Variants in SPIRE1 observed in about 807,000 individuals in gnomAD.
SPIRE1 encodes protein spire homolog 1.
In SPIRE1, 40 loss-of-function variants were observed where a neutral mutation model predicts 94.1. The ratio of observed to expected loss-of-function variants is 0.43; its 90% CI spans 0.33 to 0.55. The LOEUF (loss-of-function observed/expected upper bound fraction) is 0.55, where lower values mean the gene tolerates loss of function less well. Among genes scored for constraint, SPIRE1 ranks in the 20% least tolerant of loss-of-function variants. The probability of loss-of-function intolerance (pLI) is 0.06; values close to 1 mark genes in which losing one functional copy is unlikely to be tolerated. For missense variants in SPIRE1, 838 were observed against 975.2 expected (o/e 0.86, Z 1.87); for synonymous variants, 376 against 371.7 (o/e 1.01, Z -0.13).
At chr18:12,642,547 C>T (rs2038114741) in intron 1 of SPIRE1, among the ~76,000 whole-genome samples, 1 of 152,180 alleles carries the variant, frequency 6.6e-6, no homozygotes, top group African/African-American at 2.4e-5. Context: ...TGTAATCTGG[C>T]AACACTGGAA....
chr18:12,541,236 G>C (rs2035006058), intron 3 of SPIRE1, among the ~76,000 whole-genome samples: 1 of 152,118 alleles, frequency 6.6e-6, no homozygotes, highest in African/African-American at 2.4e-5. Context: ...TTTGAAATTT[G>C]TTAAGACTTG....
At chr18:12,622,093 TACTGACTTCTC>T (rs1376488999) in intron 2 of SPIRE1, among the ~76,000 whole-genome samples, 2 of 152,158 alleles carry the variant, frequency 1.3e-5, no homozygotes, top group Admixed American at 6.6e-5. Flanking sequence ...AGATCTATCA[TACTGACTTCTC>T]TCCACGTCAC....
Position 12,513,416 on chromosome 18 carries a change from C to T in SPIRE1, c.730-885G>A, listed in dbSNP as rs909296549. Among the ~76,000 whole-genome samples the T allele has an allele frequency of 1.6e-4, 24 of 152,230 alleles. No individual in the cohort carries two copies. In the South Asian group the frequency reaches 3.1e-3, roughly 20 times the overall value. On this transcript the variant is annotated intron_variant, in intron 4 of 16. Transcript: ENST00000409402. Reference sequence around the variant, plus strand: ...TAAAAAAATTTTTCCCTAATCCCCACGTTGATCAAAAGACTGTTTAAATGC... The same window carrying T: ...TAAAAAAATTTTTCCCTAATCCCCATGTTGATCAAAAGACTGTTTAAATGC...
At chr18:12,487,936 A>G (rs568561370) in intron 8 of SPIRE1, among the ~76,000 whole-genome samples, 2 of 152,298 alleles carry the variant, frequency 1.3e-5, no homozygotes, top group African/African-American at 4.8e-5. Flanking sequence ...GTACCTTTGC[A>G]TCAAAGAGAA....
At chr18:12,569,736 C>T (rs886971742) in intron 2 of SPIRE1, among the ~76,000 whole-genome samples, 1 of 152,086 alleles carries the variant, frequency 6.6e-6, no homozygotes, top group Non-Finnish European at 1.5e-5. Flanking sequence ...TGTCCTATCA[C>T]AGTAGCACCA....
intron 1 of SPIRE1, among the ~76,000 whole-genome samples, chr18:12,643,445 A>G (rs1598576644): frequency 2.0e-5 from 3 of 152,244 alleles, no homozygotes; most frequent in African/African-American, 7.2e-5. Flanking sequence ...TCTGGTTTTC[A>G]TGCATTTCAT....
intron 2 of SPIRE1, among the ~76,000 whole-genome samples, chr18:12,631,561 A>AC (rs1173543363): frequency 6.7e-6 from 1 of 150,108 alleles, no homozygotes; most frequent in Non-Finnish European, 1.5e-5. Context: ...AAAAAAAAAA[A>AC]AAAAAAAAAA....
Position 12,449,298 on chromosome 18 carries a change from A to C in SPIRE1, c.*340T>G, listed in dbSNP as rs938207289. 5.3e-5 allele frequency: 15 copies of C among 283,294 alleles called. No individual in the cohort carries two copies. In the Admixed American group the frequency reaches 6.9e-4, roughly 13 times the overall value. 17.5% of individuals were successfully genotyped at this position (283,294 alleles called of 1,614,324 possible). On this transcript the variant is annotated 3_prime_UTR_variant, in exon 17 of 17. Transcript: ENST00000409402. ...TCTGTTAGACTGATTCTCGTAGGAG[A>C]AGCTTTTTTTTTTTGCCTTAGTCAG... is the stretch of plus-strand genomic sequence containing the variant.
chr18:12,563,730 G>A (rs977333092), intron 2 of SPIRE1, among the ~76,000 whole-genome samples: 10 of 151,852 alleles, frequency 6.6e-5, no homozygotes, highest in African/African-American at 2.4e-4. Flanking sequence ...CCCCAAAACT[G>A]TTACCACTCA....
rs958540656 is a variant in SPIRE1, at chr18:12,493,099, G to T, written c.1162C>A (p.Pro388Thr). The change falls in exon 8 of 17, where the codon CCA becomes ACA. Residue 388 changes from proline (P) to threonine (T), a missense_variant. Physicochemically the swap from Pro to Thr is conservative, Grantham distance 38. Transcript: ENST00000409402. ...KAERKLRPVS[P>T]EEIRRSRLAM... ...AATCTGCTACGTCTAATCTCCTCTG[G>T]TGATACAGGCCGCAGCTTTCTTTCT... 2 of 1,613,480 alleles carry T rather than the reference G, an allele frequency of 1.2e-6. No homozygotes were observed. The highest frequency in any genetic ancestry group is 2.2e-5 in the East Asian group (1 of 44,868).
At chr18:12,528,498 T>C (rs761597726) in intron 4 of SPIRE1, among the ~76,000 whole-genome samples, 1 of 152,102 alleles carries the variant, frequency 6.6e-6, no homozygotes, top group Non-Finnish European at 1.5e-5. Flanking sequence ...ACATTTCAGG[T>C]AGGTGCAGAG....
At chr18:12,641,346 G>A (rs192559770) in intron 1 of SPIRE1, among the ~76,000 whole-genome samples, 59 of 151,532 alleles carry the variant, frequency 3.9e-4, no homozygotes, top group Admixed American at 3.9e-3. Flanking sequence ...AATTTCTACA[G>A]CCTAATCATA....
At chr18:12,517,835 T>C (rs1300903243) in intron 4 of SPIRE1, among the ~76,000 whole-genome samples, 1 of 152,128 alleles carries the variant, frequency 6.6e-6, no homozygotes. Flanking sequence ...TAAATCCTTC[T>C]TATTCACATA....
At position 12,452,273 on chromosome 18, in the gene SPIRE1, G is replaced by A. The variant is rs762242022; in HGVS notation, c.1994C>T (p.Pro665Leu). 6.2e-7 allele frequency: 1 copy of A among 1,613,878 alleles called. No individual in the cohort carries two copies. The highest frequency in any genetic ancestry group is 8.5e-7 in the Non-Finnish European group (1 of 1,179,996). ...SEKPSTAHHRPLRSIARFSSK... is the reference protein window; with the variant it reads ...SEKPSTAHHRLLRSIARFSSK... ...TGCTCACCTGGCAATGCTCCGAAGT[G>A]GCCGATGATGGGCAGTGGAGGGTTT... Residue 665 changes from proline to leucine, a missense_variant, in exon 16 of 17, where the codon CCA becomes CTA. Around this residue, in one of 2 missense-constraint regions of SPIRE1, gnomAD observed 645 missense variants for 804.7 expected, o/e 0.80. Coordinates refer to ENST00000409402, the MANE Select transcript of SPIRE1 (RefSeq NM_001128626.2).
chr18:12,545,143 G>A (rs189703873), intron 3 of SPIRE1, among the ~76,000 whole-genome samples: 89 of 152,192 alleles, frequency 5.8e-4, no homozygotes, highest in Admixed American at 9.8e-4. Context: ...AAGTTTAATT[G>A]GCCTTTAAGT....
chr18:12,631,596 C>T (rs1283995223), intron 2 of SPIRE1, among the ~76,000 whole-genome samples: 1 of 146,428 alleles, frequency 6.8e-6, no homozygotes, highest in African/African-American at 2.5e-5. Flanking sequence ...AAAAAACAGG[C>T]CAGGCACAGT....
At chr18:12,505,563 A>C (rs560399568) in intron 6 of SPIRE1, among the ~76,000 whole-genome samples, 7 of 151,894 alleles carry the variant, frequency 4.6e-5, no homozygotes, top group African/African-American at 1.4e-4. Flanking sequence ...AAAAAAAAAA[A>C]AAAACAAAAA....
chr18:12,529,189 GA>G (rs1334651784), intron 4 of SPIRE1, among the ~76,000 whole-genome samples: 3 of 152,178 alleles, frequency 2.0e-5, no homozygotes, highest in Non-Finnish European at 2.9e-5. Flanking sequence ...CTAACATGGT[GA>G]AACCCCGTCT....
chr18:12,616,873 T>A (rs951690079), intron 2 of SPIRE1, among the ~76,000 whole-genome samples: 5 of 152,234 alleles, frequency 3.3e-5, no homozygotes, highest in African/African-American at 1.2e-4. Flanking sequence ...CATTATTATT[T>A]TTTTTAGATG....
Sources: gnomAD v4.1 joint callset for allele counts (sites outside exome capture counted in the v4.1 genomes callset) on GRCh38, gnomAD v4.1.1 for gene constraint, gnomAD v4.1.1 regional missense constraint, MANE v1.5 for transcripts, NCBI Gene and HGNC (gene_info 2026-07-23, HGNC 2026-07-21) for gene names.